The following MAK16 variants were observed in gnomAD, a reference collection of about 807,000 sequenced individuals.
MAK16 encodes protein MAK16 homolog.
MAK16 carries 12 observed loss-of-function variants against 49.9 expected under a neutral mutation model. That is an observed-to-expected ratio of 0.24 (90% CI 0.15 to 0.39). The LOEUF (loss-of-function observed/expected upper bound fraction) is 0.39, where lower values mean the gene tolerates loss of function less well. Ranked by LOEUF, MAK16 falls within the 10% of genes least tolerant of loss-of-function variation. MAK16 has a pLI of 1.00. For missense variants in MAK16, 292 were observed against 363.7 expected, an observed-to-expected ratio of 0.80 and a Z score of 1.60; for synonymous variants, 115 against 126.4, an observed-to-expected ratio of 0.91 and a Z score of 0.60.
chr8:33,496,574 A>T lies in MAK16; in HGVS notation c.523-51A>T, dbSNP rs781388286. The stretch of plus-strand genomic sequence containing the variant: ...TATTCTCCACAGAAAGTGGAACTTC[A>T]AGTGTAATATCCAAATGTAGTTAAA... On this transcript the variant is annotated intron_variant, in intron 7 of 9. Transcript: ENST00000360128. 2.2e-6 allele frequency: 3 copies of T among 1,373,872 alleles called. No homozygotes were observed. The South Asian group carries it at 3.7e-5, about 17-fold the overall frequency. 85.1% of individuals were successfully genotyped at this position (1,373,872 alleles called of 1,614,324 possible).
Position 33,500,166 on chromosome 8 carries a change from A to T in MAK16, c.*1537A>T. The T allele has an allele frequency of 2.8e-6, 2 of 721,760 alleles. No individual in the cohort carries two copies. Among genetic ancestry groups the T allele is most frequent in the Non-Finnish European group, 2.2e-6 (1 of 447,072 alleles). The allele number at this position is 721,760 out of a possible 1,614,324, so 44.7% of individuals were successfully genotyped here. On this transcript the variant is annotated 3_prime_UTR_variant, in exon 10 of 10. Coordinates refer to ENST00000360128, the MANE Select transcript of MAK16 (RefSeq NM_032509.4). ...AGCTTTAAAAGATGAATAAGAAAAA[A>T]GATCAAGCTCTTTTGAGGCTAGAGG...
chr8:33,496,073 C>T (rs1197379503), intron 7 of MAK16, among the ~76,000 whole-genome samples: 1 of 152,016 alleles, frequency 6.6e-6, no homozygotes, highest in Non-Finnish European at 1.5e-5. Context: ...TTAATGCAAG[C>T]ACATAAAATG....
Position 33,500,676 on chromosome 8 carries a change from T to TAACAGGA in MAK16, c.*2047_*2048insAACAGGA. 1 of 623,474 alleles carries TAACAGGA rather than the reference T, an allele frequency of 1.6e-6. No homozygotes were observed. The highest frequency in any genetic ancestry group is 3.0e-5 in the East Asian group (1 of 33,384). The allele number at this position is 623,474 out of a possible 1,614,324, so 38.6% of individuals were successfully genotyped here. On this transcript the variant is annotated 3_prime_UTR_variant, in exon 10 of 10. Coordinates refer to ENST00000360128, the MANE Select transcript of MAK16 (RefSeq NM_032509.4). ...CTAGATTTCTTACCCTCAAGTCTCC[T>TAACAGGA]GTTAGCATACTGCCTATACACACAG...
chr8:33,499,069 CTTA>C lies in MAK16; in HGVS notation c.*441_*443del, dbSNP rs1808959624. 8.1e-6 allele frequency: 8 copies of C among 985,642 alleles called. No individual in the cohort carries two copies. Among genetic ancestry groups the C allele is most frequent in the Non-Finnish European group, 1.3e-5 (8 of 632,968 alleles). 61.1% of individuals were successfully genotyped at this position (985,642 alleles called of 1,614,324 possible). A position where few individuals can be genotyped will look rare whatever the true frequency, so the allele number is the denominator to read the frequency against. On this transcript the variant is annotated 3_prime_UTR_variant, in exon 10 of 10. Transcript: ENST00000360128. ...GGAAGGAAGGAAAAAGCAGCTTTCACTTACAAAGTTTCGTGTAAAAATATCTTT... is the reference window on the plus strand; with the variant it reads ...GGAAGGAAGGAAAAAGCAGCTTTCACCAAAGTTTCGTGTAAAAATATCTTT...
chr8:33,499,256 G>A lies in MAK16; in HGVS notation c.*627G>A. 1.9e-6 allele frequency: 3 copies of A among 1,613,678 alleles called. No homozygotes were observed. Among genetic ancestry groups the A allele is most frequent in the Non-Finnish European group, 2.5e-6 (3 of 1,179,920 alleles). Reference sequence around the variant, plus strand: ...ACCACTTTTCTGTCTTCACAGCTTTGGGGAATTTTGGCCAGGAGACCCTGA... The same window carrying A: ...ACCACTTTTCTGTCTTCACAGCTTTAGGGAATTTTGGCCAGGAGACCCTGA... On this transcript the variant is annotated 3_prime_UTR_variant, in exon 10 of 10. Coordinates refer to ENST00000360128, the MANE Select transcript of MAK16 (RefSeq NM_032509.4).
Position 33,500,486 on chromosome 8 carries a change from A to C in MAK16, c.*1857A>C. On this transcript the variant is annotated 3_prime_UTR_variant, in exon 10 of 10. Coordinates refer to ENST00000360128, the MANE Select transcript of MAK16 (RefSeq NM_032509.4). ...TTCAGTAAGACCACAAGTCTGCAGG[A>C]AACTCTGGAATCAGGAAGAAAAGCT... The C allele has an allele frequency of 6.2e-7, 1 of 1,614,068 alleles. No homozygotes were observed. Among genetic ancestry groups the C allele is most frequent in the Non-Finnish European group, 8.5e-7 (1 of 1,179,988 alleles).
rs375897292 is a variant in MAK16 at position 33,496,835 on chromosome 8, A to G, written c.639+94A>G. The stretch of plus-strand genomic sequence containing the variant: ...ATCTTCAGTCCGCTAACCAAAAATG[A>G]TATGTCTTCTTTTTTCTTTCATGTG... On this transcript the variant is annotated intron_variant, in intron 8 of 9. Coordinates refer to ENST00000360128, the MANE Select transcript of MAK16 (RefSeq NM_032509.4). The G allele has an allele frequency of 7.3e-5, 67 of 917,066 alleles. No homozygotes were observed. The African/African-American group carries it at 1.0e-3, about 14-fold the overall frequency. The allele number at this position is 917,066 out of a possible 1,614,324, so 56.8% of individuals were successfully genotyped here.
intron 1 of MAK16, among the ~76,000 whole-genome samples, chr8:33,487,428 CTTTT>C (rs11292522): frequency 2.1e-5 from 3 of 143,278 alleles, no homozygotes; most frequent in Non-Finnish European, 1.5e-5. Flanking sequence ...ACCATGAAGC[CTTTT>C]TTTTTTTTTT....
At chr8:33,492,235 C>T (rs1187749662) in intron 6 of MAK16, among the ~76,000 whole-genome samples, 1 of 152,104 alleles carries the variant, frequency 6.6e-6, no homozygotes, top group Admixed American at 6.5e-5. Flanking sequence ...TGGTCTCGAA[C>T]TCCTGACCTC....
chr8:33,498,704 C>G lies in MAK16; in HGVS notation c.*75C>G, dbSNP rs148803378. ...TTTTTTTTTTTATCTTAAACACATA[C>G]ACACCTCCAGTTTTTGCTCTTTTGT... On this transcript the variant is annotated 3_prime_UTR_variant, in exon 10 of 10. Coordinates refer to ENST00000360128, the MANE Select transcript of MAK16 (RefSeq NM_032509.4). The G allele has an allele frequency of 2.4e-6, 3 of 1,249,798 alleles. No homozygotes were observed. Among genetic ancestry groups the G allele is most frequent in the Admixed American group, 2.4e-5 (1 of 41,792 alleles). 77.4% of individuals were successfully genotyped at this position (1,249,798 alleles called of 1,614,324 possible).
chr8:33,488,437 A>G lies in MAK16; in HGVS notation c.65+10A>G, dbSNP rs1384538736. 6.2e-7 allele frequency: 1 copy of G among 1,614,186 alleles called. No homozygotes were observed. The highest frequency in any genetic ancestry group is 1.1e-5 in the South Asian group (1 of 91,086). ...GTTCCTTCAAAATAAGGTGAGTCTC[A>G]ATTTACAACTTGGTCAAAGATTCCT... On this transcript the variant is annotated intron_variant, in intron 2 of 9. Coordinates refer to ENST00000360128, the MANE Select transcript of MAK16 (RefSeq NM_032509.4).
At position 33,485,182 on chromosome 8, in the gene MAK16, A is replaced by G; in HGVS notation, c.-25A>G. The stretch of plus-strand genomic sequence containing the variant: ...TGTCTGCGCCCGCGATCCGACCGGA[A>G]GTTGCACGCTGAGCCGCGGACACCA... On this transcript the variant is annotated 5_prime_UTR_variant, in exon 1 of 10. Coordinates refer to ENST00000360128, the MANE Select transcript of MAK16 (RefSeq NM_032509.4). 6.2e-7 allele frequency: 1 copy of G among 1,614,088 alleles called. No homozygotes were observed. Among genetic ancestry groups the G allele is most frequent in the Non-Finnish European group, 8.5e-7 (1 of 1,180,032 alleles).
Position 33,489,079 on chromosome 8 carries a change from A to T in MAK16, c.332A>T (p.Gln111Leu). 1 of 1,614,096 alleles carries T rather than the reference A, an allele frequency of 6.2e-7. No individual in the cohort carries two copies. Among genetic ancestry groups the T allele is most frequent in the Non-Finnish European group, 8.5e-7 (1 of 1,179,898 alleles). Reference sequence around the variant, plus strand: ...CGTTTCATTCGACACAAATGTAAGCAGAGATTCACCAAGATCACCCAATAC... The same window carrying T: ...CGTTTCATTCGACACAAATGTAAGCTGAGATTCACCAAGATCACCCAATAC... ...WPRFIRHKCK[Q>L]RFTKITQYLI... The change falls in exon 5 of 10, where the codon CAG (glutamine) becomes CTG (leucine). Residue 111 changes from glutamine to leucine, a missense_variant. Transcript: ENST00000360128. This position sits in a 1 kb window ranked among gnomAD's most constrained non-coding sequence, Gnocchi z 4.2.
At chr8:33,493,986 C>T (rs1808816386) in intron 6 of MAK16, among the ~76,000 whole-genome samples, 1 of 150,862 alleles carries the variant, frequency 6.6e-6, no homozygotes, top group Non-Finnish European at 1.5e-5. Context: ...TTGGAAGACA[C>T]AGATTAAGCG....
intron 1 of MAK16, among the ~76,000 whole-genome samples, chr8:33,487,542 C>G (rs1808707861): frequency 1.3e-5 from 2 of 151,824 alleles, no homozygotes; most frequent in South Asian, 4.1e-4. Context: ...TCTCCTGCCT[C>G]AGCCTCTCAA....
rs377567314 is a variant in MAK16, at chr8:33,494,236, G to T, written c.448-1306G>T. On this transcript the variant is annotated intron_variant, in intron 6 of 9. Coordinates refer to ENST00000360128, the MANE Select transcript of MAK16 (RefSeq NM_032509.4). The stretch of plus-strand genomic sequence containing the variant: ...TTACAGGCATACACCACTCTGCCCG[G>T]CTAATTTTTTGTGTTTTTAGTAGAG... Among the ~76,000 whole-genome samples the T allele has an allele frequency of 2.6e-5, 4 of 152,144 alleles. 1 individual carries two copies. The highest frequency in any genetic ancestry group is 9.6e-5 in the African/African-American group (4 of 41,536).
chr8:33,485,259 C>A, intron 1 of MAK16, 38 bp downstream of exon 1: 1 of 1,614,076 alleles, frequency 6.2e-7, no homozygotes, highest in Non-Finnish European at 8.5e-7. Context: ...CCGGGGTTTG[C>A]GCAGGGAATT....
Position 33,499,517 on chromosome 8 carries a change from T to A in MAK16, c.*888T>A, listed in dbSNP as rs1808985908. On this transcript the variant is annotated 3_prime_UTR_variant, in exon 10 of 10. Transcript: ENST00000360128. The stretch of plus-strand genomic sequence containing the variant: ...GTTAATGTACTTGCAAATCTCCTGC[T>A]GGCTCATGAAACAGCAGAATTCCAG... 2.4e-6 allele frequency: 1 copy of A among 416,682 alleles called. No individual in the cohort carries two copies. The highest frequency in any genetic ancestry group is 4.6e-5 in the East Asian group (1 of 21,670). The allele number at this position is 416,682 out of a possible 1,614,324, so 25.8% of individuals were successfully genotyped here. A position where few individuals can be genotyped will look rare whatever the true frequency, so the allele number is the denominator to read the frequency against.
Position 33,489,138 on chromosome 8 carries a change from CAGTA to C in MAK16, c.392+4_392+7del. On this transcript the variant is annotated splice_donor_variant and splice_donor_region_variant and coding_sequence_variant and intron_variant, in exon 5 of 10. Transcript: ENST00000360128. LOFTEE classifies it high-confidence loss of function. The surrounding 1 kb of genome is among the most constrained non-coding windows in gnomAD (Gnocchi z 4.2). The stretch of plus-strand genomic sequence containing the variant: ...AATTAGAAAACTTACACTAAAGCGA[CAGTA>C]AGTATTTGGATCATTCATTATTTTT... 1 of 1,609,822 alleles carries C rather than the reference CAGTA, an allele frequency of 6.2e-7. No homozygotes were observed. The highest frequency in any genetic ancestry group is 1.1e-5 in the South Asian group (1 of 90,784).
Sources: gnomAD v4.1 joint callset for allele counts (sites outside exome capture counted in the v4.1 genomes callset) on GRCh38, gnomAD v4.1.1 for gene constraint, Gnocchi (gnomAD v3.1) non-coding constraint, MANE v1.5 for transcripts, NCBI Gene and HGNC (gene_info 2026-07-23, HGNC 2026-07-21) for gene names.